Variants in PTGER3 observed in about 807,000 individuals in gnomAD.
PTGER3 encodes the protein prostaglandin E receptor 3.
In PTGER3, 22 loss-of-function variants were observed where a neutral mutation model predicts 34.7. The observed-to-expected ratio is 0.63, with a 90% CI of 0.45 to 0.91. PTGER3 has a LOEUF of 0.91. Among genes scored for constraint, PTGER3 ranks in the 40% least tolerant of loss-of-function variants. The probability of loss-of-function intolerance (pLI) is 0.00; values close to 1 mark genes in which losing one functional copy is unlikely to be tolerated. For missense variants in PTGER3, 468 were observed against 519.4 expected (o/e 0.90, Z 0.96); for synonymous variants, 241 against 230.1 (o/e 1.05, Z -0.43).
intron 2 of PTGER3, among the ~76,000 whole-genome samples, chr1:70,994,305 C>A (rs770488125): frequency 2.0e-5 from 3 of 152,108 alleles, no homozygotes; most frequent in Non-Finnish European, 1.5e-5. Flanking sequence ...CACCAAGGGA[C>A]CTTTACCGGG....
At chr1:70,883,538 C>G (rs1400095035) in intron 4 of PTGER3, among the ~76,000 whole-genome samples, 1 of 152,120 alleles carries the variant, frequency 6.6e-6, no homozygotes, top group African/African-American at 2.4e-5. Context: ...ACCTGAAGTT[C>G]TCTTAAATGT....
chr1:71,046,608 C>T, intron 1 of PTGER3, 73 bp downstream of exon 1: 1 of 1,480,410 alleles, frequency 6.8e-7, no homozygotes, highest in Non-Finnish European at 8.9e-7. Context: ...CGGGTGCTGC[C>T]ACTTAGCAAA....
intron 2 of PTGER3, among the ~76,000 whole-genome samples, chr1:70,955,912 G>C (rs866719095): frequency 2.0e-5 from 3 of 152,054 alleles, no homozygotes; most frequent in South Asian, 2.1e-4. Flanking sequence ...ATGTAAACCT[G>C]AAAGACCTAA....
chr1:70,958,123 C>A (rs929827864), intron 2 of PTGER3, among the ~76,000 whole-genome samples: 1 of 152,032 alleles, frequency 6.6e-6, no homozygotes, highest in Non-Finnish European at 1.5e-5. Context: ...AGGTTCATTC[C>A]ATATCTTGAC....
At position 70,995,099 on chromosome 1, in the gene PTGER3, T is replaced by C. The variant is rs545553256; in HGVS notation, c.1077+17206A>G. ...GTTTATGGATGTACAAAAGAGGGAA[T>C]CAGTAATTCTGAATCAGGCATAAGG... On this transcript the variant is annotated intron_variant, in intron 2 of 3. Transcript: ENST00000306666. Among the ~76,000 whole-genome samples, 24 of 152,198 alleles carry C rather than the reference T, an allele frequency of 1.6e-4. No individual in the cohort carries two copies. In the South Asian group the frequency reaches 5.0e-3, roughly 32 times the overall value.
chr1:71,014,247 C>A (rs1016577693), intron 1 of PTGER3, among the ~76,000 whole-genome samples: 1 of 152,058 alleles, frequency 6.6e-6, no homozygotes. Flanking sequence ...AATTCAACAT[C>A]CCTGAGCATC....
intron 4 of PTGER3, among the ~76,000 whole-genome samples, chr1:70,870,691 G>C (rs972968074): frequency 6.6e-6 from 1 of 152,060 alleles, no homozygotes; most frequent in Non-Finnish European, 1.5e-5. Context: ...GATACCTTAG[G>C]TTGTCACTCT....
intron 1 of PTGER3, among the ~76,000 whole-genome samples, chr1:71,023,518 G>T (rs1161595032): frequency 6.6e-6 from 1 of 151,852 alleles, no homozygotes; most frequent in Non-Finnish European, 1.5e-5. Flanking sequence ...ATGTGCTATA[G>T]GCCATACCTT....
chr1:70,991,556 G>A (rs1019676900), intron 2 of PTGER3, among the ~76,000 whole-genome samples: 1 of 152,182 alleles, frequency 6.6e-6, no homozygotes, highest in Non-Finnish European at 1.5e-5. Flanking sequence ...ACTGCAGGGA[G>A]ATGCATTCCG....
chr1:70,969,911 A>G (rs1013571937), downstream of PTGER3, among the ~76,000 whole-genome samples: 1 of 152,202 alleles, frequency 6.6e-6, no homozygotes, highest in Admixed American at 6.5e-5. Flanking sequence ...CGTTATTACA[A>G]TTACCCTACA....
intron 4 of PTGER3, among the ~76,000 whole-genome samples, chr1:70,920,121 T>G (rs566136141): frequency 4.2e-4 from 64 of 152,292 alleles, no homozygotes; most frequent in African/African-American, 1.5e-3. Flanking sequence ...GTCTGATATA[T>G]GTAGAAACTG....
intron 1 of PTGER3, among the ~76,000 whole-genome samples, chr1:71,025,173 C>CTTCCTTCCTTCCTTCA (rs1658813366): frequency 1.0e-5 from 1 of 98,862 alleles, no homozygotes; most frequent in Non-Finnish European, 2.2e-5. Context: ...TCTTTCCTTC[C>CTTCCTTCCTTCCTTCA]TTTTTTTCCT....
chr1:70,882,366 A>G (rs1162348214), intron 4 of PTGER3, among the ~76,000 whole-genome samples: 1 of 151,948 alleles, frequency 6.6e-6, no homozygotes, highest in East Asian at 1.9e-4. Flanking sequence ...AGTGGTGGGG[A>G]TGGGTGAGAT....
chr1:71,040,100 GA>G (rs1660175786), intron 1 of PTGER3, among the ~76,000 whole-genome samples: 1 of 140,346 alleles, frequency 7.1e-6, no homozygotes, highest in Admixed American at 7.3e-5. Flanking sequence ...AAGAAAGAAG[GA>G]AAGAAAGAAA....
At chr1:70,859,025 GT>G (rs753873030) in intron 4 of PTGER3, among the ~76,000 whole-genome samples, 10 of 152,268 alleles carry the variant, frequency 6.6e-5, no homozygotes, top group South Asian at 6.2e-4. Flanking sequence ...TTGTGTTTTT[GT>G]CCACTGCTTT....
chr1:71,010,394 C>G, intron 2 of PTGER3: 1 of 984,550 alleles, frequency 1.0e-6, no homozygotes, highest in Non-Finnish European at 1.2e-6. Flanking sequence ...CCAATGTGTA[C>G]TGTCCTGGCA....
intron 4 of PTGER3, among the ~76,000 whole-genome samples, chr1:70,859,053 G>A (rs913759559): frequency 1.3e-5 from 2 of 152,186 alleles, no homozygotes; most frequent in Admixed American, 1.3e-4. Context: ...TTGCTGCTAA[G>A]GGTAAGCACC....
intron 2 of PTGER3, among the ~76,000 whole-genome samples, chr1:70,991,688 C>A (rs1655496092): frequency 1.3e-5 from 2 of 152,098 alleles, no homozygotes; most frequent in Non-Finnish European, 1.5e-5. Flanking sequence ...CAGGTTTTTC[C>A]AAAGAAATCC....
chr1:70,858,984 G>A (rs1161205947), intron 4 of PTGER3, among the ~76,000 whole-genome samples: 3 of 152,128 alleles, frequency 2.0e-5, no homozygotes, highest in Non-Finnish European at 4.4e-5. Flanking sequence ...AAGGTGTTAG[G>A]TATCAGACAC....
Sources: allele counts gnomAD v4.1 joint callset (sites outside exome capture counted in the v4.1 genomes callset), GRCh38; gene constraint gnomAD v4.1.1; transcripts MANE v1.5; gene names NCBI Gene and HGNC (gene_info 2026-07-23, HGNC 2026-07-21).